The following SDK1 variants were observed in gnomAD, a reference collection of about 807,000 sequenced individuals.
SDK1 encodes sidekick cell adhesion molecule 1.
Under a neutral mutation model 245.5 loss-of-function variants are expected in SDK1, and 157 were observed. The observed-to-expected ratio is 0.64, with a 90% CI of 0.56 to 0.73. SDK1 has a LOEUF of 0.73. SDK1 is among the 30% of genes least tolerant of loss of function. The pLI, the probability that SDK1 is intolerant of heterozygous loss-of-function variation, is 0.00. For synonymous variants in SDK1, 1,647 were observed against 1,278.5 expected, an observed-to-expected ratio of 1.29 and a Z score of -6.15; for missense variants, 3,583 against 3,002.3, an observed-to-expected ratio of 1.19 and a Z score of -4.52.
At chr7:3,957,806 A>C (rs947781489) in intron 7 of SDK1, among the ~76,000 whole-genome samples, 2 of 152,338 alleles carry the variant, frequency 1.3e-5, no homozygotes, top group Non-Finnish European at 2.9e-5. Flanking sequence ...ATATTTCTTC[A>C]GGCTTGGTCT....
At chr7:4,125,099 AGTGAATGGATGGATGG>A (rs201380586) in intron 25 of SDK1, among the ~76,000 whole-genome samples, 1,921 of 126,536 alleles carry the variant, frequency 0.015, 93 homozygotes, top group East Asian at 0.14. Flanking sequence ...TGGATGGATG[AGTGAATGGATGGATGG>A]GTGAATGGAT....
chr7:3,541,527 A>T (rs1471695284), intron 1 of SDK1, among the ~76,000 whole-genome samples: 1 of 152,182 alleles, frequency 6.6e-6, no homozygotes, highest in Non-Finnish European at 1.5e-5. Flanking sequence ...ATGATTTAAT[A>T]TGTCAGTCCT....
At chr7:4,206,940 G>C (rs1784257579) in intron 36 of SDK1, among the ~76,000 whole-genome samples, 1 of 152,224 alleles carries the variant, frequency 6.6e-6, no homozygotes, top group Non-Finnish European at 1.5e-5. Flanking sequence ...TGATGAATGA[G>C]CTAATGGAGA....
chr7:4,203,493 C>G (rs1366036906), intron 35 of SDK1, among the ~76,000 whole-genome samples: 2 of 151,020 alleles, frequency 1.3e-5, no homozygotes, highest in African/African-American at 4.9e-5. Context: ...AATTGCCGGT[C>G]TAAAATGCTT....
rs925211223 is a variant in SDK1 at position 4,266,556 on chromosome 7, G to A, written c.*1172G>A. 4.7e-5 allele frequency: 45 copies of A among 959,958 alleles called. No homozygotes were observed. The highest frequency in any genetic ancestry group is 5.4e-5 in the Non-Finnish European group (44 of 821,392). 59.5% of individuals were successfully genotyped at this position (959,958 alleles called of 1,614,324 possible). ...CGAGGCCAGCTTTTAGCCTTAACAGGTTTTTTGGAAATGTTTCTTTTTTTT... is the reference window on the plus strand; with the variant it reads ...CGAGGCCAGCTTTTAGCCTTAACAGATTTTTTGGAAATGTTTCTTTTTTTT... On this transcript the variant is annotated 3_prime_UTR_variant, in exon 45 of 45. Coordinates refer to ENST00000404826, the MANE Select transcript of SDK1 (RefSeq NM_152744.4).
In SDK1 at chr7:4,050,181, A is replaced by G. The variant is rs142245109; in HGVS notation, c.2718+718A>G. Among the ~76,000 whole-genome samples the G allele has an allele frequency of 4.3e-4, 65 of 152,300 alleles. 1 individual carries two copies. The East Asian group carries it at 0.011, about 26-fold the overall frequency. On this transcript the variant is annotated intron_variant, in intron 18 of 44. Transcript: ENST00000404826. Reference sequence around the variant, plus strand: ...AAGCTCTATACAGTGAAGGGATTCCATCTAGTTTCCTCAATACCTGGTAAT... The same window carrying G: ...AAGCTCTATACAGTGAAGGGATTCCGTCTAGTTTCCTCAATACCTGGTAAT...
intron 17 of SDK1, among the ~76,000 whole-genome samples, chr7:4,048,495 C>T (rs546058213): frequency 2.0e-5 from 3 of 152,124 alleles, no homozygotes; most frequent in African/African-American, 7.2e-5. Context: ...ACCCCTCGTC[C>T]AGCCGTGCTC....
intron 17 of SDK1, among the ~76,000 whole-genome samples, chr7:4,021,476 C>T (rs1786889844): frequency 6.6e-6 from 1 of 152,194 alleles, no homozygotes; most frequent in African/African-American, 2.4e-5. Context: ...TGTGTTTTTA[C>T]TTTTCTCACA....
At chr7:3,474,048 G>A (rs905287649) in intron 1 of SDK1, among the ~76,000 whole-genome samples, 7 of 145,508 alleles carry the variant, frequency 4.8e-5, no homozygotes, top group Admixed American at 4.1e-4. Context: ...GGTATCATGC[G>A]CCTGTCCCTT....
At chr7:4,120,165 T>G (rs1408809250) in intron 25 of SDK1, among the ~76,000 whole-genome samples, 1 of 148,630 alleles carries the variant, frequency 6.7e-6, no homozygotes, top group African/African-American at 2.5e-5. Flanking sequence ...ATCTACCACA[T>G]AGCTAATAGG....
At chr7:3,635,162 C>T (rs796606328) in intron 2 of SDK1, among the ~76,000 whole-genome samples, 4 of 152,284 alleles carry the variant, frequency 2.6e-5, no homozygotes, top group Admixed American at 1.3e-4. Context: ...GGCATTGGCT[C>T]TTTGCATTCA....
At chr7:4,164,384 A>G (rs1045144395) in intron 32 of SDK1, among the ~76,000 whole-genome samples, 4 of 151,886 alleles carry the variant, frequency 2.6e-5, no homozygotes, top group African/African-American at 7.3e-5. Context: ...CAACATCTCC[A>G]GTCTTTGGGG....
chr7:3,392,829 A>C (rs749212673), intron 1 of SDK1, among the ~76,000 whole-genome samples: 2 of 152,076 alleles, frequency 1.3e-5, no homozygotes, highest in Non-Finnish European at 2.9e-5. Flanking sequence ...ATTCCAGTGT[A>C]TGCGTATATC....
At chr7:4,264,720 C>T (rs1468005282) in intron 44 of SDK1, among the ~76,000 whole-genome samples, 2 of 151,060 alleles carry the variant, frequency 1.3e-5, no homozygotes, top group African/African-American at 4.9e-5. Context: ...TGGACCTCTC[C>T]TGGGGTAAGG....
At chr7:3,326,465 A>T (rs1714197634) in intron 1 of SDK1, among the ~76,000 whole-genome samples, 1 of 152,122 alleles carries the variant, frequency 6.6e-6, no homozygotes, top group Non-Finnish European at 1.5e-5. Context: ...TCTTCATTAT[A>T]AACTATGCTA....
chr7:3,722,731 A>G (rs920758464), intron 4 of SDK1, among the ~76,000 whole-genome samples: 11 of 152,264 alleles, frequency 7.2e-5, no homozygotes, highest in South Asian at 4.1e-4. Context: ...CTGGTGCAGA[A>G]TCCTCAGATC....
At chr7:3,688,138 C>T (rs1462539354) in intron 4 of SDK1, among the ~76,000 whole-genome samples, 1 of 152,218 alleles carries the variant, frequency 6.6e-6, no homozygotes, top group Non-Finnish European at 1.5e-5. Flanking sequence ...CTTCCTAACT[C>T]CTTTCTGGGT....
intron 1 of SDK1, among the ~76,000 whole-genome samples, chr7:3,573,361 G>T (rs1181983220): frequency 1.3e-5 from 2 of 152,034 alleles, no homozygotes; most frequent in Non-Finnish European, 2.9e-5. Context: ...GAGAGCCTCA[G>T]GGGGCTGAGC....
chr7:3,846,822 GGCA>G (rs1326377247), intron 5 of SDK1, among the ~76,000 whole-genome samples: 1 of 151,960 alleles, frequency 6.6e-6, no homozygotes, highest in Admixed American at 6.6e-5. Flanking sequence ...CGCTACGAGG[GGCA>G]GCAGCAGCCC....
Sources: gnomAD v4.1 joint callset for allele counts (sites outside exome capture counted in the v4.1 genomes callset) on GRCh38, gnomAD v4.1.1 for gene constraint, MANE v1.5 for transcripts, NCBI Gene and HGNC (gene_info 2026-07-23, HGNC 2026-07-21) for gene names.